The following NAV3 variants were observed in gnomAD, a reference collection of about 807,000 sequenced individuals.
The protein encoded by NAV3 is neuron navigator 3.
In NAV3, 87 loss-of-function variants were observed where a neutral mutation model predicts 244.7. The ratio of observed to expected loss-of-function variants is 0.36; its 90% confidence interval spans 0.30 to 0.42. The LOEUF is 0.42. NAV3 is among the 20% of genes least tolerant of loss of function. The probability of loss-of-function intolerance (pLI) is 1.00; values close to 1 mark genes in which losing one functional copy is unlikely to be tolerated. For synonymous variants in NAV3, 1,126 were observed against 1,042.2 expected (o/e 1.08, Z -1.55); for missense variants, 2,663 against 2,893.3 (o/e 0.92, Z 1.83).
chr12:77,841,561 C>T (rs1187344290), intron 1 of NAV3, among the ~76,000 whole-genome samples: 1 of 152,102 alleles, frequency 6.6e-6, no homozygotes, highest in African/African-American at 2.4e-5. Flanking sequence ...CAAACTATGA[C>T]CCAAAGGCCA....
At chr12:78,074,521 G>A (rs1280581938) in intron 12 of NAV3, among the ~76,000 whole-genome samples, 1 of 152,072 alleles carries the variant, frequency 6.6e-6, no homozygotes, top group Non-Finnish European at 1.5e-5. Context: ...TGGCCAAGAT[G>A]GTGAAACCCC....
chr12:77,861,348 T>A (rs191003529), intron 1 of NAV3, among the ~76,000 whole-genome samples: 66 of 152,020 alleles, frequency 4.3e-4, no homozygotes, highest in African/African-American at 1.5e-3. Context: ...TCTATTATCA[T>A]ATGGCATCTG....
chr12:78,119,556 G>C lies in NAV3; in HGVS notation c.3360G>C (p.Gln1120His), dbSNP rs747734145. 14 of 1,614,090 alleles carry C rather than the reference G, an allele frequency of 8.7e-6. No individual in the cohort carries two copies. The highest frequency in any genetic ancestry group is 1.1e-5 in the Non-Finnish European group (13 of 1,180,046). ...CCAGTTTGGACGGTTCACAGAATCA[G>C]GATGATGTTGTGCTGCATGTTAGCT... The part of the protein sequence containing the change: ...RKTSLDGSQN[Q>H]DDVVLHVSSK... Residue 1120 changes from glutamine (Q) to histidine (H), a missense_variant, in exon 15 of 40, where the codon CAG becomes CAC. Physicochemically the swap from Gln to His is conservative, Grantham distance 24 (BLOSUM62 0). Coordinates refer to ENST00000397909, the MANE Select transcript of NAV3 (RefSeq NM_001024383.2).
intron 2 of NAV3, among the ~76,000 whole-genome samples, chr12:77,794,732 A>G (rs991151820): frequency 1.3e-5 from 2 of 152,184 alleles, no homozygotes; most frequent in Admixed American, 6.5e-5. Flanking sequence ...GATACTCATG[A>G]TATTTCCAAT....
chr12:77,690,373 C>G (rs946932323), intron 2 of NAV3, among the ~76,000 whole-genome samples: 8 of 151,756 alleles, frequency 5.3e-5, no homozygotes, highest in African/African-American at 1.7e-4. Context: ...AGGCTACTAA[C>G]ATTTTCTAGA....
In NAV3 at chr12:78,205,076, T is replaced by C. The variant is rs756199863; in HGVS notation, c.6976T>C (p.Ser2326Pro). 8 of 1,613,314 alleles carry C rather than the reference T, an allele frequency of 5.0e-6. No individual in the cohort carries two copies. In the Admixed American group the frequency reaches 1.2e-4, roughly 24 times the overall value. The change falls in exon 39 of 40, where the codon TCC becomes CCC. Residue 2326 changes from serine to proline, a missense_variant. Ser to Pro is a moderately conservative substitution (Grantham distance 74). Around this residue, in one of 6 missense-constraint regions of NAV3, gnomAD observed 543 missense variants for 672.4 expected, o/e 0.81. Coordinates refer to ENST00000397909, the MANE Select transcript of NAV3 (RefSeq NM_001024383.2). ...PEDVGYESCT[S>P]TKEATTSKHI... The stretch of plus-strand genomic sequence containing the variant: ...AGATGTTGGGTATGAAAGCTGCACA[T>C]CCACTAAGGAAGCCACAACCTCAAA...
intron 1 of NAV3, among the ~76,000 whole-genome samples, chr12:77,910,261 G>A (rs866624879): frequency 4.6e-5 from 7 of 152,060 alleles, no homozygotes; most frequent in Non-Finnish European, 7.4e-5. Flanking sequence ...TCCAATCATG[G>A]TGGAAGGTGA....
chr12:78,149,862 G>A (rs1395302796), intron 22 of NAV3, among the ~76,000 whole-genome samples: 1 of 151,942 alleles, frequency 6.6e-6, no homozygotes, highest in Non-Finnish European at 1.5e-5. Flanking sequence ...TTTTTTTTAA[G>A]CTATCATTGT....
intron 3 of NAV3, among the ~76,000 whole-genome samples, chr12:77,960,152 A>T (rs1891754400): frequency 6.6e-6 from 1 of 152,018 alleles, no homozygotes; most frequent in Non-Finnish European, 1.5e-5. Flanking sequence ...GTTCATGTAT[A>T]TCAGAGGAGA....
chr12:77,674,928 A>G (rs1354727702), intron 2 of NAV3, among the ~76,000 whole-genome samples: 2 of 152,198 alleles, frequency 1.3e-5, no homozygotes, highest in Non-Finnish European at 1.5e-5. Flanking sequence ...TAAGTGCCAC[A>G]AGAGAGAACA....
chr12:77,903,715 G>A (rs570532811), intron 1 of NAV3, among the ~76,000 whole-genome samples: 6 of 152,258 alleles, frequency 3.9e-5, no homozygotes, highest in Admixed American at 1.3e-4. Flanking sequence ...GCAACCTACA[G>A]AATGGGAGAA....
At chr12:78,066,559 G>T (rs1009872460) in intron 12 of NAV3, among the ~76,000 whole-genome samples, 3 of 152,034 alleles carry the variant, frequency 2.0e-5, no homozygotes, top group African/African-American at 7.2e-5. Flanking sequence ...TGGTAACAAA[G>T]ATACCTTTCA....
rs917760475 is a variant in NAV3, at chr12:77,912,771, C to G, written c.244-27548C>G. Among the ~76,000 whole-genome samples the G allele has an allele frequency of 2.7e-5, 4 of 150,490 alleles. No individual in the cohort carries two copies. In the East Asian group the frequency reaches 5.9e-4, roughly 22 times the overall value. Reference sequence around the variant, plus strand: ...TCAGCCTCCCAAGTAGCTGGGATTACAAAATTAATTTTGTATTTTTACTAG... The same window carrying G: ...TCAGCCTCCCAAGTAGCTGGGATTAGAAAATTAATTTTGTATTTTTACTAG... On this transcript the variant is annotated intron_variant, in intron 1 of 39. Coordinates refer to ENST00000397909, the MANE Select transcript of NAV3 (RefSeq NM_001024383.2).
intron 2 of NAV3, among the ~76,000 whole-genome samples, chr12:77,610,739 C>G (rs998713318): frequency 7.2e-5 from 11 of 152,126 alleles, no homozygotes; most frequent in Middle Eastern, 3.4e-3. Context: ...CTGAAAGAAG[C>G]AAAGTTCTGC....
intron 8 of NAV3, among the ~76,000 whole-genome samples, chr12:78,012,337 G>A (rs952890413): frequency 1.3e-5 from 2 of 151,888 alleles, no homozygotes; most frequent in African/African-American, 4.8e-5. Context: ...GCTCTTTGCA[G>A]TAACATCCTT....
chr12:77,732,858 G>A (rs1484428662), intron 2 of NAV3, among the ~76,000 whole-genome samples: 31 of 152,004 alleles, frequency 2.0e-4, no homozygotes, highest in Non-Finnish European at 1.5e-5. Context: ...AAAAGCAGAG[G>A]AATTGAGAGT....
chr12:77,656,762 C>G lies in NAV3; in HGVS notation c.72+84496C>G, dbSNP rs574931893. On this transcript the variant is annotated intron_variant, in intron 2 of 8. Transcript: ENST00000550042. ...ACAGAAATTATAACAAACTATCTCT[C>G]AGACCACAGTGCGATCAAACTAGAA... Among the ~76,000 whole-genome samples the G allele has an allele frequency of 9.3e-4, 141 of 151,316 alleles. 1 individual carries two copies. Among genetic ancestry groups the G allele is most frequent in the African/African-American group, 2.6e-3 (107 of 40,994 alleles).
intron 2 of NAV3, among the ~76,000 whole-genome samples, chr12:77,814,715 C>A (rs1872459920): frequency 6.6e-6 from 1 of 152,000 alleles, no homozygotes; most frequent in African/African-American, 2.4e-5. Context: ...GATTAAAAAC[C>A]AACAACAAGC....
At chr12:78,052,087 T>G (rs1882840423) in intron 11 of NAV3, 1 of 152,200 alleles carries the variant, frequency 6.6e-6, no homozygotes, top group Non-Finnish European at 1.5e-5. Context: ...CTATAAACTT[T>G]GTGTGAGTCT....
Sources: gnomAD v4.1 joint callset for allele counts (sites outside exome capture counted in the v4.1 genomes callset) on GRCh38, gnomAD v4.1.1 for gene constraint, gnomAD v4.1.1 regional missense constraint, MANE v1.5 for transcripts, NCBI Gene and HGNC (gene_info 2026-07-23, HGNC 2026-07-21) for gene names.